Variants in CFAP300 observed in about 807,000 individuals in gnomAD.
CFAP300 encodes the protein cilia and flagella associated protein 300, also known as cilia- and flagella-associated protein 300.
In CFAP300, 32 loss-of-function variants were observed where a neutral mutation model predicts 33.0. That is an observed-to-expected ratio of 0.97 (90% confidence interval 0.73 to 1.30). The LOEUF (loss-of-function observed/expected upper bound fraction) is 1.30, where lower values mean the gene tolerates loss of function less well. CFAP300 is among the 50% of genes most tolerant of loss of function. CFAP300 has a pLI of 0.00. For missense variants in CFAP300, 356 were observed against 318.1 expected, an observed-to-expected ratio of 1.12 and a Z score of -0.90; for synonymous variants, 102 against 106.8, an observed-to-expected ratio of 0.95 and a Z score of 0.28.
intron 4 of CFAP300, among the ~76,000 whole-genome samples, chr11:102,070,926 A>G (rs764935161): frequency 2.4e-4 from 36 of 152,172 alleles, no homozygotes; most frequent in Non-Finnish European, 4.1e-4. Context: ...TATGTTTTCA[A>G]TTTTTTAAGT....
chr11:102,075,776 G>A (rs1354121408), intron 4 of CFAP300, 97 bp from the exon 5 acceptor site: 10 of 898,540 alleles, frequency 1.1e-5, no homozygotes, highest in Non-Finnish European at 1.7e-5. Context: ...TCTTAAAATA[G>A]GTGTAAGATT....
At chr11:102,057,182 A>G (rs1028503428) in intron 2 of CFAP300, among the ~76,000 whole-genome samples, 3 of 151,726 alleles carry the variant, frequency 2.0e-5, no homozygotes, top group Non-Finnish European at 4.4e-5. Flanking sequence ...TACTAAAAAT[A>G]CAAAAAATTA....
chr11:102,073,895 C>T (rs185587560), intron 4 of CFAP300, among the ~76,000 whole-genome samples: 2 of 152,268 alleles, frequency 1.3e-5, no homozygotes, highest in Admixed American at 1.3e-4. Flanking sequence ...CTTCAGGGAA[C>T]ATGCAAGTGC....
chr11:102,082,071 T>G (rs1297540176), intron 6 of CFAP300, among the ~76,000 whole-genome samples: 2 of 151,946 alleles, frequency 1.3e-5, no homozygotes. Context: ...CTGGGCTAAG[T>G]CACAGTGATA....
chr11:102,053,455 G>A lies in CFAP300; in HGVS notation c.193-5425G>A, dbSNP rs796523923. Among the ~76,000 whole-genome samples the A allele has an allele frequency of 7.2e-5, 11 of 152,204 alleles. 1 individual carries two copies. The South Asian group carries it at 2.1e-3, about 29-fold the overall frequency. On this transcript the variant is annotated intron_variant, in intron 2 of 6. Coordinates refer to ENST00000434758, the MANE Select transcript of CFAP300 (RefSeq NM_032930.3). ...AATCCCAGCTACTTGGGAAGCTGAGGCAGGAGAATCGCTTGAACCCAGGAG... is the reference window on the plus strand; with the variant it reads ...AATCCCAGCTACTTGGGAAGCTGAGACAGGAGAATCGCTTGAACCCAGGAG...
intron 5 of CFAP300, among the ~76,000 whole-genome samples, chr11:102,080,844 G>T (rs1942463141): frequency 6.6e-6 from 1 of 152,146 alleles, no homozygotes; most frequent in African/African-American, 2.4e-5. Flanking sequence ...TATTTACATT[G>T]TTTAAGTCTT....
rs149215715 is a variant in CFAP300 at position 102,066,057 on chromosome 11, A to G, written c.269-428A>G. On this transcript the variant is annotated intron_variant, in intron 3 of 6. Transcript: ENST00000434758. ...ACTGCAACCTCTGCCCACCAGGTTCAAGCAGTTCTCCTGCCTCAGCCTCCC... is the reference window on the plus strand; with the variant it reads ...ACTGCAACCTCTGCCCACCAGGTTCGAGCAGTTCTCCTGCCTCAGCCTCCC... Among the ~76,000 whole-genome samples the G allele has an allele frequency of 1.6e-3, 240 of 151,464 alleles. 1 individual carries two copies. Among genetic ancestry groups the G allele is most frequent in the African/African-American group, 5.6e-3 (233 of 41,262 alleles).
At chr11:102,081,360 T>G in intron 6 of CFAP300, 79 bp downstream of exon 6, 1 of 1,164,086 alleles carries the variant, frequency 8.6e-7, no homozygotes, top group Non-Finnish European at 1.3e-6. Flanking sequence ...GAGTTAACAA[T>G]CAGGACAATG....
At chr11:102,063,656 A>G (rs999095618) in intron 3 of CFAP300, among the ~76,000 whole-genome samples, 2 of 152,068 alleles carry the variant, frequency 1.3e-5, no homozygotes, top group Non-Finnish European at 2.9e-5. Flanking sequence ...AGCAGACCCT[A>G]TCTCTACAAA....
At position 102,074,158 on chromosome 11, in the gene CFAP300, C is replaced by T. The variant is rs532644395; in HGVS notation, c.436-1715C>T. On this transcript the variant is annotated intron_variant, in intron 4 of 6. Coordinates refer to ENST00000434758, the MANE Select transcript of CFAP300 (RefSeq NM_032930.3). The stretch of plus-strand genomic sequence containing the variant: ...TTGGGCCCCAAGGAAGGATGCAGTC[C>T]GGTAGGAGTTGGATTCTCAAAATGG... 3.8e-5 allele frequency among the ~76,000 whole-genome samples: 5 copies of T among 130,080 alleles called. No individual in the cohort carries two copies. The Admixed American group carries it at 4.3e-4, about 11-fold the overall frequency. 85.3% of individuals were successfully genotyped at this position (130,080 alleles called of 152,430 possible).
rs1942468998 is a variant in CFAP300 at position 102,081,248 on chromosome 11, G to A, written c.642G>A (p.Gln214=). 6.2e-7 allele frequency: 1 copy of A among 1,611,216 alleles called. No homozygotes were observed. Among genetic ancestry groups the A allele is most frequent in the Admixed American group, 1.7e-5 (1 of 59,734 alleles). Residue 214 remains glutamine (Q), a synonymous_variant, in exon 6 of 7, where the codon CAG becomes CAA. Coordinates refer to ENST00000434758, the MANE Select transcript of CFAP300 (RefSeq NM_032930.3). ...AGAATCCTCAAACCAAGAAAATACA[G>A]ATTACCTCTTCTGTCTTTAAAGTTT... is the stretch of plus-strand genomic sequence containing the variant. The part of the protein sequence containing the change: ...VRKNPQTKKI[Q]ITSSVFKVSA...
chr11:102,072,281 A>T (rs762790807), intron 4 of CFAP300, among the ~76,000 whole-genome samples: 1 of 151,734 alleles, frequency 6.6e-6, no homozygotes, highest in Non-Finnish European at 1.5e-5. Context: ...CTCTCAATTG[A>T]ATCTTTTATT....
At chr11:102,075,532 C>T (rs151084612) in intron 4 of CFAP300, among the ~76,000 whole-genome samples, 19 of 152,256 alleles carry the variant, frequency 1.2e-4, no homozygotes, top group Admixed American at 2.0e-4. Context: ...GAGAAGTGTC[C>T]TCATTTATTT....
intron 3 of CFAP300, among the ~76,000 whole-genome samples, chr11:102,061,996 C>G (rs1942155747): frequency 6.6e-6 from 1 of 152,114 alleles, no homozygotes; most frequent in Non-Finnish European, 1.5e-5. Flanking sequence ...ATATGTTTAA[C>G]CCCTAACCCT....
chr11:102,072,666 A>G (rs923308358), intron 4 of CFAP300, among the ~76,000 whole-genome samples: 1 of 152,138 alleles, frequency 6.6e-6, no homozygotes, highest in African/African-American at 2.4e-5. Context: ...ATCTGTTGCT[A>G]GAGAATTATT....
rs1048840779 is a variant in CFAP300, at chr11:102,075,942, T to C, written c.505T>C (p.Cys169Arg). The change falls in exon 5 of 7, where the codon TGT becomes CGT. Residue 169 changes from cysteine (C) to arginine (R), a missense_variant. Cys to Arg is a radical substitution (Grantham distance 180). Coordinates refer to ENST00000434758, the MANE Select transcript of CFAP300 (RefSeq NM_032930.3). ...ACCAGATAGAGAAGAGTTCCTGTTT[T>C]GTCTTTTCAAACATCTTTGCCTTGG... ...SQPDREEFLF[C>R]LFKHLCLGGA... The C allele has an allele frequency of 6.2e-7, 1 of 1,613,894 alleles. No individual in the cohort carries two copies. Among genetic ancestry groups the C allele is most frequent in the South Asian group, 1.1e-5 (1 of 91,074 alleles).
rs1942515928 is a variant in CFAP300 at position 102,084,250 on chromosome 11, A to C, written c.*1051A>C. 6.6e-6 allele frequency: 1 copy of C among 152,204 alleles called. No homozygotes were observed. The highest frequency in any genetic ancestry group is 1.5e-5 in the Non-Finnish European group (1 of 68,032). The allele number at this position is 152,204 out of a possible 1,614,324, so 9.4% of individuals were successfully genotyped here. ...TTGGTTTATTTTGATGGCAAAAATC[A>C]TTGACATATATCCCATGGGTCATGG... On this transcript the variant is annotated 3_prime_UTR_variant, in exon 7 of 7. Coordinates refer to ENST00000434758, the MANE Select transcript of CFAP300 (RefSeq NM_032930.3).
chr11:102,079,313 T>C (rs1261847119), intron 5 of CFAP300, among the ~76,000 whole-genome samples: 4 of 152,210 alleles, frequency 2.6e-5, no homozygotes, highest in Non-Finnish European at 4.4e-5. Context: ...AAGTATTTTA[T>C]ATATAGTGGT....
chr11:102,073,686 C>A (rs927428858), intron 4 of CFAP300, among the ~76,000 whole-genome samples: 1 of 151,848 alleles, frequency 6.6e-6, no homozygotes, highest in African/African-American at 2.4e-5. Flanking sequence ...CACTGGCAGG[C>A]GGCTCTTGGG....
Sources: allele counts gnomAD v4.1 joint callset (sites outside exome capture counted in the v4.1 genomes callset), GRCh38; gene constraint gnomAD v4.1.1; transcripts MANE v1.5; gene names NCBI Gene and HGNC (gene_info 2026-07-23, HGNC 2026-07-21).